FLT3: variants seen among roughly 807,000 people sequenced by gnomAD.
The protein encoded by FLT3 is receptor-type tyrosine-protein kinase FLT3.
A neutral mutation model predicts 126.6 loss-of-function variants in FLT3; 46 were observed. That is an observed-to-expected ratio of 0.36 (90% confidence interval 0.29 to 0.46). The LOEUF is 0.46. Ranked by LOEUF, FLT3 falls within the 20% of genes least tolerant of loss-of-function variation. The pLI is 1.00. For synonymous variants in FLT3, 404 were observed against 434.4 expected (o/e 0.93, Z 0.87); for missense variants, 1,069 against 1,190.3 (o/e 0.90, Z 1.50).
intron 23 of FLT3, among the ~76,000 whole-genome samples, chr13:28,012,566 T>C (rs528030092): frequency 1.3e-5 from 2 of 152,286 alleles, no homozygotes; most frequent in East Asian, 1.9e-4. Context: ...GCAGACAAGA[T>C]GCTACTCAGT....
At chr13:28,023,230 G>T (rs1872545955) in intron 19 of FLT3, 120 bp downstream of exon 19, 1 of 1,030,690 alleles carries the variant, frequency 9.7e-7, no homozygotes. Flanking sequence ...GACTCCAACA[G>T]TGAACAGGGG....
intron 3 of FLT3, among the ~76,000 whole-genome samples, chr13:28,060,710 T>C (rs1876478708): frequency 6.6e-6 from 1 of 152,062 alleles, no homozygotes; most frequent in East Asian, 2.0e-4. Context: ...CTTCAAGCTA[T>C]TCTCCTGCCT....
intron 15 of FLT3, among the ~76,000 whole-genome samples, chr13:28,029,941 GT>G (rs1357425022): frequency 6.6e-6 from 1 of 152,212 alleles, no homozygotes; most frequent in Non-Finnish European, 1.5e-5. Context: ...TGCGGCTCAT[GT>G]GCAGTTGGTC....
In FLT3 at chr13:28,048,461, C is replaced by T. The variant is rs1215858228; in HGVS notation, c.1037-18G>A. On this transcript the variant is annotated intron_variant, in intron 8 of 23. Transcript: ENST00000241453. ...TCCCTTTTCTGTAAGAAAAAATAGGCATTTATGAGTTAGTTAATAATATTC... is the reference window on the plus strand; with the variant it reads ...TCCCTTTTCTGTAAGAAAAAATAGGTATTTATGAGTTAGTTAATAATATTC... The T allele has an allele frequency of 6.7e-7, 1 of 1,489,254 alleles. No homozygotes were observed. The highest frequency in any genetic ancestry group is 9.3e-7 in the Non-Finnish European group (1 of 1,071,260). The allele number at this position is 1,489,254 out of a possible 1,614,324, so 92.3% of individuals were successfully genotyped here.
chr13:28,069,262 C>T (rs763653885), intron 2 of FLT3, among the ~76,000 whole-genome samples: 1 of 151,994 alleles, frequency 6.6e-6, no homozygotes, highest in Non-Finnish European at 1.5e-5. Context: ...GGCAGTGAGA[C>T]TAGAGAATAT....
Position 28,050,118 on chromosome 13 carries a change from T to G in FLT3, c.719A>C (p.Glu240Ala), listed in dbSNP as rs1253013837. The G allele has an allele frequency of 6.2e-7, 1 of 1,614,138 alleles. No individual in the cohort carries two copies. Among genetic ancestry groups the G allele is most frequent in the Non-Finnish European group, 8.5e-7 (1 of 1,179,992 alleles). Reference protein sequence around the residue: ...RCCARNELGRECTRLFTIDLN... With the variant: ...RCCARNELGRACTRLFTIDLN... ...ACCTATTGTGAACAGCCTGGTGCAT[T>G]CCCTGCCCAGTTCATTTCTGGCACA... The change falls in exon 6 of 24, where the codon GAA (glutamate) becomes GCA (alanine). Residue 240 changes from glutamate (E) to alanine (A), a missense_variant. Coordinates refer to ENST00000241453, the MANE Select transcript of FLT3 (RefSeq NM_004119.3).
intron 1 of FLT3, among the ~76,000 whole-genome samples, chr13:28,087,400 CA>C (rs1414911206): frequency 3.9e-5 from 6 of 152,156 alleles, no homozygotes; most frequent in African/African-American, 1.4e-4. Context: ...TAGTTCATGA[CA>C]AGAAGTCTGC....
At position 28,061,922 on chromosome 13, in the gene FLT3, A is replaced by G; in HGVS notation, c.313T>C (p.Trp105Arg). The change falls in exon 3 of 24, where the codon TGG becomes CGG. Residue 105 changes from tryptophan to arginine, a missense_variant. Physicochemically the swap from Trp to Arg is moderately radical, Grantham distance 101. Transcript: ENST00000241453. ...VDAPGNISCL[W>R]VFKHSSLNCQ... ...TTCAGGGAGCTGTGCTTAAAGACCC[A>G]GAGACAGGAAATGTTCCCTGGGGCG... The G allele has an allele frequency of 6.2e-7, 1 of 1,614,156 alleles. No homozygotes were observed. Among genetic ancestry groups the G allele is most frequent in the Non-Finnish European group, 8.5e-7 (1 of 1,180,004 alleles).
Position 28,100,368 on chromosome 13 carries a change from G to A in FLT3, c.43+100C>T, listed in dbSNP as rs1879745753. The A allele has an allele frequency of 2.4e-6, 2 of 827,958 alleles. No homozygotes were observed. The highest frequency in any genetic ancestry group is 1.6e-6 in the Non-Finnish European group (1 of 625,164). The allele number at this position is 827,958 out of a possible 1,614,324, so 51.3% of individuals were successfully genotyped here. On this transcript the variant is annotated intron_variant, in intron 1 of 23. Coordinates refer to ENST00000241453, the MANE Select transcript of FLT3 (RefSeq NM_004119.3). This position sits in a 1 kb window ranked among gnomAD's most constrained non-coding sequence, Gnocchi z 4.8. Reference sequence around the variant, plus strand: ...ATGGAAGGAGCGAGCGCGGGGAGGAGCGAGGCGGCTGGGCCGGAGGAGGCG... The same window carrying A: ...ATGGAAGGAGCGAGCGCGGGGAGGAACGAGGCGGCTGGGCCGGAGGAGGCG...
chr13:28,036,106 C>T, intron 10 of FLT3, 63 bp from the exon 11 acceptor site: 1 of 1,393,876 alleles, frequency 7.2e-7, no homozygotes, highest in Non-Finnish European at 1.0e-6. Flanking sequence ...TCCTATAATA[C>T]CAATACTTTG....
intron 11 of FLT3, 122 bp from the exon 12 acceptor site, chr13:28,035,795 C>A: frequency 8.2e-7 from 1 of 1,223,912 alleles, no homozygotes; most frequent in South Asian, 1.4e-5. Flanking sequence ...CAGTCTATGA[C>A]TATTGAGAGT....
At chr13:28,047,448 G>A (rs1874984903) in intron 9 of FLT3, among the ~76,000 whole-genome samples, 1 of 152,188 alleles carries the variant, frequency 6.6e-6, no homozygotes, top group East Asian at 1.9e-4. Flanking sequence ...AGTGGCTCAC[G>A]CCTGTAATCC....
intron 1 of FLT3, among the ~76,000 whole-genome samples, chr13:28,081,653 G>A (rs1878316374): frequency 6.6e-6 from 1 of 152,094 alleles, no homozygotes; most frequent in South Asian, 2.1e-4. Context: ...TAAAAGAAGT[G>A]AAGAGTGGAT....
At chr13:28,030,484 G>A (rs554776783) in intron 15 of FLT3, among the ~76,000 whole-genome samples, 1 of 152,254 alleles carries the variant, frequency 6.6e-6, no homozygotes, top group South Asian at 2.1e-4. Flanking sequence ...GGAAAAACAA[G>A]ACACAACCCT....
intron 20 of FLT3, among the ~76,000 whole-genome samples, chr13:28,017,283 C>T (rs750432614): frequency 2.6e-5 from 4 of 152,054 alleles, no homozygotes; most frequent in Non-Finnish European, 5.9e-5. Flanking sequence ...AGTGCAGTGG[C>T]GTGATCACAG....
chr13:28,008,566 G>A (rs149426646), intron 23 of FLT3, among the ~76,000 whole-genome samples: 2,013 of 152,122 alleles, frequency 0.013, 47 homozygotes, highest in African/African-American at 0.046. Flanking sequence ...TGCAACCTCC[G>A]CCTCCCGGTT....
chr13:28,027,640 T>C (rs1435293951), intron 16 of FLT3, among the ~76,000 whole-genome samples: 3 of 114,962 alleles, frequency 2.6e-5, no homozygotes, highest in Non-Finnish European at 6.5e-5. Flanking sequence ...CACTTTCCTC[T>C]TTTTCCTTTC....
At chr13:28,061,154 G>A (rs1041145817) in intron 3 of FLT3, among the ~76,000 whole-genome samples, 3 of 151,528 alleles carry the variant, frequency 2.0e-5, no homozygotes, top group African/African-American at 7.3e-5. Context: ...TCAGGAGTTC[G>A]AAGCCAGCCT....
At chr13:28,041,782 G>T (rs959811467) in intron 9 of FLT3, among the ~76,000 whole-genome samples, 1 of 149,928 alleles carries the variant, frequency 6.7e-6, no homozygotes, top group Non-Finnish European at 1.5e-5. Context: ...GGCAGGAGAC[G>T]GAGGTCAGGA....
Sources: allele counts gnomAD v4.1 joint callset (sites outside exome capture counted in the v4.1 genomes callset), GRCh38; gene constraint gnomAD v4.1.1; non-coding constraint Gnocchi (gnomAD v3.1); transcripts MANE v1.5; gene names NCBI Gene and HGNC (gene_info 2026-07-23, HGNC 2026-07-21).